Variants in WDR59 observed in about 807,000 individuals in gnomAD.
The protein encoded by WDR59 is WD repeat domain 59.
In WDR59, 100 loss-of-function variants were observed where a neutral mutation model predicts 131.2. That is an observed-to-expected ratio of 0.76 (90% CI 0.65 to 0.90). WDR59 has a LOEUF of 0.90. Among genes scored for constraint, WDR59 ranks in the 40% least tolerant of loss-of-function variants. The pLI, the probability that WDR59 is intolerant of heterozygous loss-of-function variation, is 0.00. For missense variants in WDR59, 1,203 were observed against 1,262.2 expected, an observed-to-expected ratio of 0.95 and a Z score of 0.71; for synonymous variants, 601 against 466.2, an observed-to-expected ratio of 1.29 and a Z score of -3.72.
intron 17 of WDR59, among the ~76,000 whole-genome samples, chr16:74,907,777 G>A (rs1224463492): frequency 1.3e-5 from 2 of 152,288 alleles, no homozygotes; most frequent in South Asian, 4.1e-4. Flanking sequence ...CAGGAAACAT[G>A]GAGCACTTCC....
chr16:74,981,675 A>T (rs199500384), intron 1 of WDR59, among the ~76,000 whole-genome samples: 476 of 44,766 alleles, frequency 0.011, 10 homozygotes, highest in South Asian at 0.017. Context: ...TTTTTTTTTT[A>T]GATGGAGTCT....
chr16:74,875,248 G>A (rs561127918), intron 25 of WDR59, among the ~76,000 whole-genome samples: 2 of 152,206 alleles, frequency 1.3e-5, no homozygotes, highest in Non-Finnish European at 2.9e-5. Flanking sequence ...AGTAAAACCT[G>A]CTCTATCTAC....
At position 74,916,229 on chromosome 16, in the gene WDR59, C is replaced by T. The variant is rs1173676007; in HGVS notation, c.997G>A (p.Asp333Asn). 1.2e-6 allele frequency: 2 copies of T among 1,613,992 alleles called. No individual in the cohort carries two copies. Among genetic ancestry groups the T allele is most frequent in the Non-Finnish European group, 8.5e-7 (1 of 1,179,998 alleles). ...LCANDILDGV[D>N]EFIESISLLP... is the part of the protein sequence containing the mutation. ...AGGGAAATACTCTCAATGAACTCAT[C>T]AACACCATCTAATATGTCATTTGCA... Residue 333 changes from aspartate (D) to asparagine (N), a missense_variant, in exon 12 of 26, where the codon GAT becomes AAT. Coordinates refer to ENST00000262144, the MANE Select transcript of WDR59 (RefSeq NM_030581.4).
chr16:74,973,260 C>T (rs9889117), intron 1 of WDR59, among the ~76,000 whole-genome samples: 85,716 of 151,930 alleles, frequency 0.56, 25,435 homozygotes, highest in East Asian at 0.77. Flanking sequence ...TAAAATTATA[C>T]ATGAACACTG....
chr16:74,890,781 C>T (rs566117934), intron 20 of WDR59, among the ~76,000 whole-genome samples: 2 of 152,240 alleles, frequency 1.3e-5, no homozygotes, highest in East Asian at 3.9e-4. Context: ...AGGCTAAACC[C>T]ATCATGTCAT....
intron 2 of WDR59, among the ~76,000 whole-genome samples, chr16:74,960,660 G>A (rs185313588): frequency 6.6e-5 from 10 of 151,078 alleles, no homozygotes; most frequent in Admixed American, 2.7e-4. Context: ...CATGAAAATC[G>A]CTTGAACCCA....
intron 5 of WDR59, among the ~76,000 whole-genome samples, chr16:74,948,911 T>C (rs374602719): frequency 1.2e-4 from 19 of 152,180 alleles, no homozygotes; most frequent in Admixed American, 8.5e-4. Context: ...GGCAGGAGAA[T>C]TGTTTGAACC....
At chr16:74,893,386 G>T (rs1227867406) in intron 19 of WDR59, among the ~76,000 whole-genome samples, 3 of 152,126 alleles carry the variant, frequency 2.0e-5, no homozygotes, top group African/African-American at 7.2e-5. Context: ...GAGGAGCTTT[G>T]CATCGGATGA....
intron 1 of WDR59, among the ~76,000 whole-genome samples, chr16:74,971,013 C>T (rs1297893381): frequency 6.6e-6 from 1 of 151,880 alleles, no homozygotes; most frequent in African/African-American, 2.4e-5. Context: ...CACACCACTA[C>T]ACTCCTGGCT....
chr16:74,911,809 G>A (rs1205921785), intron 14 of WDR59, among the ~76,000 whole-genome samples: 3 of 152,282 alleles, frequency 2.0e-5, no homozygotes, highest in Middle Eastern at 6.8e-3. Context: ...AACCTGGGCT[G>A]CTAAATGAAA....
At chr16:74,965,015 G>A (rs370368720) in intron 2 of WDR59, among the ~76,000 whole-genome samples, 1 of 151,708 alleles carries the variant, frequency 6.6e-6, no homozygotes, top group African/African-American at 2.4e-5. Flanking sequence ...AGTGAGCCGA[G>A]ATCGCGCCAC....
intron 13 of WDR59, among the ~76,000 whole-genome samples, chr16:74,915,142 CCAGCA>C (rs997206973): frequency 3.3e-5 from 5 of 152,122 alleles, no homozygotes; most frequent in South Asian, 2.1e-4. Flanking sequence ...ATGGCACAGC[CCAGCA>C]CAGCACAGCA....
chr16:74,913,418 C>T (rs531711292), intron 13 of WDR59, among the ~76,000 whole-genome samples: 1 of 152,124 alleles, frequency 6.6e-6, no homozygotes, highest in East Asian at 1.9e-4. Context: ...GGCCACCATG[C>T]CCAGCAAATC....
chr16:74,904,784 A>T (rs1418112302), intron 17 of WDR59, among the ~76,000 whole-genome samples: 1 of 152,250 alleles, frequency 6.6e-6, no homozygotes, highest in African/African-American at 2.4e-5. Flanking sequence ...AAAGTACATT[A>T]TGAATGTAGT....
At chr16:74,924,753 T>C (rs1053043846) in intron 8 of WDR59, among the ~76,000 whole-genome samples, 3 of 152,228 alleles carry the variant, frequency 2.0e-5, no homozygotes, top group Non-Finnish European at 4.4e-5. Context: ...TTTTCAAAAA[T>C]AGATGACAGC....
intron 17 of WDR59, among the ~76,000 whole-genome samples, chr16:74,907,063 T>C (rs1004483015): frequency 2.0e-5 from 3 of 152,224 alleles, no homozygotes; most frequent in Non-Finnish European, 2.9e-5. Flanking sequence ...GACTGTTTTC[T>C]ACTCCAATAA....
intron 8 of WDR59, among the ~76,000 whole-genome samples, chr16:74,935,100 A>G (rs1427741557): frequency 6.6e-6 from 1 of 152,010 alleles, no homozygotes; most frequent in Non-Finnish European, 1.5e-5. Context: ...ATGTTGGTGC[A>G]CCCTTGTAAT....
chr16:74,912,217 A>G lies in WDR59; in HGVS notation c.1370T>C (p.Met457Thr). The change falls in exon 14 of 26, where the codon ATG becomes ACG. Residue 457 changes from methionine (M) to threonine (T), a missense_variant. Coordinates refer to ENST00000262144, the MANE Select transcript of WDR59 (RefSeq NM_030581.4). The part of the protein sequence containing the change: ...FINPTTITST[M>T]KAKLLKILKD... ...CCCCACCTTCAGCAGCTTAGCTTTC[A>G]TGGTGGATGTGATGGTTGTGGGGTT... 6.2e-7 allele frequency: 1 copy of G among 1,614,162 alleles called. No individual in the cohort carries two copies. Among genetic ancestry groups the G allele is most frequent in the Non-Finnish European group, 8.5e-7 (1 of 1,180,026 alleles).
chr16:74,887,124 G>A (rs1202136327), intron 23 of WDR59, among the ~76,000 whole-genome samples: 2 of 152,140 alleles, frequency 1.3e-5, no homozygotes, highest in Non-Finnish European at 2.9e-5. Context: ...GTTAATGGAC[G>A]CTATTCCTAG....
Sources: allele counts gnomAD v4.1 joint callset (sites outside exome capture counted in the v4.1 genomes callset), GRCh38; gene constraint gnomAD v4.1.1; transcripts MANE v1.5; gene names NCBI Gene and HGNC (gene_info 2026-07-23, HGNC 2026-07-21).